DDX43: variants seen among roughly 807,000 people sequenced by gnomAD.
DDX43 encodes DEAD-box helicase 43.
A neutral mutation model predicts 84.9 loss-of-function variants in DDX43; 50 were observed. The observed-to-expected ratio is 0.59, with a 90% CI of 0.47 to 0.75. DDX43 has a LOEUF of 0.75. DDX43 is among the 30% of genes least tolerant of loss of function. DDX43 has a pLI of 0.00. For missense variants in DDX43, 689 were observed against 798.6 expected, an observed-to-expected ratio of 0.86 and a Z score of 1.65; for synonymous variants, 291 against 266.3, an observed-to-expected ratio of 1.09 and a Z score of -0.90.
At chr6:73,412,695 G>A (rs1347165206) in intron 11 of DDX43, among the ~76,000 whole-genome samples, 3 of 140,564 alleles carry the variant, frequency 2.1e-5, no homozygotes, top group East Asian at 4.3e-4. Flanking sequence ...GTGTGTGCGC[G>A]TGCGTGCGCA....
At chr6:73,401,801 CAAAAA>C (rs60478350) in intron 3 of DDX43, 53 bp from the exon 4 acceptor site, 1,433 of 1,081,626 alleles carry the variant, frequency 1.3e-3, no homozygotes, top group Admixed American at 2.2e-3. Context: ...GACTCCATCT[CAAAAA>C]AAAAAAAAAA....
At position 73,414,602 on chromosome 6, in the gene DDX43, A is replaced by G. The variant is rs1769866778; in HGVS notation, c.1661A>G (p.His554Arg). ...TDLASRGLDV[H>R]DVTHVYNFDF... ...CTAGCCTCTAGAGGACTTGATGTCCATGACGTTACACATGTCTATAATTTT... is the reference window on the plus strand; with the variant it reads ...CTAGCCTCTAGAGGACTTGATGTCCGTGACGTTACACATGTCTATAATTTT... The change falls in exon 14 of 17, where the codon CAT becomes CGT. Residue 554 changes from histidine (H) to arginine (R), a missense_variant. Physicochemically the swap from His to Arg is conservative, Grantham distance 29. Transcript: ENST00000370336. 3.1e-6 allele frequency: 5 copies of G among 1,613,608 alleles called. No homozygotes were observed. The highest frequency in any genetic ancestry group is 2.2e-5 in the East Asian group (1 of 44,870).
chr6:73,408,608 G>A (rs761110223), intron 9 of DDX43, among the ~76,000 whole-genome samples: 1 of 151,846 alleles, frequency 6.6e-6, no homozygotes, highest in Non-Finnish European at 1.5e-5. Context: ...CCAGGCTGGA[G>A]TGCTGTCGCA....
intron 16 of DDX43, 74 bp downstream of exon 16, chr6:73,416,325 C>A: frequency 1.5e-6 from 1 of 653,462 alleles, no homozygotes; most frequent in Non-Finnish European, 2.8e-6. Context: ...ATGTTTATTG[C>A]AATGAGCATG....
At chr6:73,411,675 C>T (rs1460063712) in intron 10 of DDX43, among the ~76,000 whole-genome samples, 1 of 151,828 alleles carries the variant, frequency 6.6e-6, no homozygotes, top group East Asian at 1.9e-4. Context: ...TACAGGTATC[C>T]TTTGGTTCAT....
intron 15 of DDX43, 76 bp from the exon 16 acceptor site, chr6:73,416,037 T>C: frequency 1.3e-6 from 1 of 794,668 alleles, no homozygotes; most frequent in Non-Finnish European, 2.2e-6. Flanking sequence ...TGCGATTATC[T>C]GAAATGATTT....
At chr6:73,399,550 A>G (rs1241820354) in intron 2 of DDX43, among the ~76,000 whole-genome samples, 1 of 152,206 alleles carries the variant, frequency 6.6e-6, no homozygotes, top group African/African-American at 2.4e-5. Context: ...CAGCACTCAT[A>G]CAGAGTTATA....
At position 73,416,022 on chromosome 6, in the gene DDX43, A is replaced by C. The variant is rs1488525411; in HGVS notation, c.1834-91A>C. The C allele has an allele frequency of 5.5e-6, 4 of 727,136 alleles. No homozygotes were observed. In the African/African-American group the frequency reaches 7.0e-5, roughly 13 times the overall value. The allele number at this position is 727,136 out of a possible 1,614,324, so 45.0% of individuals were successfully genotyped here. On this transcript the variant is annotated intron_variant, in intron 15 of 16. Coordinates refer to ENST00000370336, the MANE Select transcript of DDX43 (RefSeq NM_018665.3). ...TCTGTTTAAAGGATGTCATGTAACC[A>C]GCTGTGCGATTATCTGAAATGATTT... is the stretch of plus-strand genomic sequence containing the variant.
chr6:73,415,693 A>G, intron 15 of DDX43, 109 bp downstream of exon 15: 1 of 750,690 alleles, frequency 1.3e-6, no homozygotes, highest in Non-Finnish European at 2.2e-6. Flanking sequence ...AGTTTTCATC[A>G]CGTTTTGAGG....
chr6:73,400,182 T>A lies in DDX43; in HGVS notation c.307-52T>A, dbSNP rs1582635378. ...GGGGTTAGGGGCTTAGGGAACTTTT[T>A]ATGTTTTTTAGGGAAATTTTAAGTC... is the stretch of plus-strand genomic sequence containing the variant. On this transcript the variant is annotated intron_variant, in intron 2 of 16. Transcript: ENST00000370336. The A allele has an allele frequency of 2.0e-6, 3 of 1,521,488 alleles. No individual in the cohort carries two copies. In the East Asian group the frequency reaches 7.0e-5, roughly 36 times the overall value. 94.2% of individuals were successfully genotyped at this position (1,521,488 alleles called of 1,614,324 possible).
At chr6:73,397,825 G>A in intron 2 of DDX43, 81 bp downstream of exon 2, 1 of 1,285,434 alleles carries the variant, frequency 7.8e-7, no homozygotes, top group South Asian at 1.2e-5. Context: ...TTCTTTTTAA[G>A]ACAGCCTCAT....
intron 11 of DDX43, among the ~76,000 whole-genome samples, chr6:73,413,007 C>G (rs144076316): frequency 1.2e-4 from 19 of 152,258 alleles, no homozygotes; most frequent in Non-Finnish European, 1.9e-4. Context: ...GGATTACAGG[C>G]GTGAGCCACC....
intron 15 of DDX43, 84 bp downstream of exon 15, chr6:73,415,668 A>G: frequency 1.0e-6 from 1 of 972,124 alleles, no homozygotes; most frequent in East Asian, 2.5e-5. Context: ...GCTATTTATC[A>G]GGAAGCTTCA....
intron 10 of DDX43, 127 bp downstream of exon 10, chr6:73,409,475 A>C: frequency 1.6e-5 from 12 of 755,074 alleles, no homozygotes; most frequent in Non-Finnish European, 2.3e-5. Context: ...GAAAGATCTC[A>C]TAACATTGGA....
rs1261847430 is a variant in DDX43, at chr6:73,395,041, G to A, written c.136G>A (p.Gly46Ser). ...NRTGPEGYSV[G>S]RGGRWRGTSR... ...AACAGGTCCTGAGGGATATAGTGTC[G>A]GCAGAGGTGGTCGCTGGAGAGGCAC... The change falls in exon 1 of 17, where the codon GGC (glycine) becomes AGC (serine). Residue 46 changes from glycine (G) to serine (S), a missense_variant. By Grantham distance (56) the Gly-to-Ser change is moderately conservative. Around this residue, in one of 2 missense-constraint regions of DDX43, gnomAD observed 137 missense variants for 105.9 expected, o/e 1.29. Coordinates refer to ENST00000370336, the MANE Select transcript of DDX43 (RefSeq NM_018665.3). 9 of 1,613,928 alleles carry A rather than the reference G, an allele frequency of 5.6e-6. No individual in the cohort carries two copies. The African/African-American group carries it at 6.7e-5, about 12-fold the overall frequency.
At chr6:73,414,387 G>A (rs1769863418) in intron 13 of DDX43, among the ~76,000 whole-genome samples, 161 bp from the exon 14 acceptor site, 1 of 152,188 alleles carries the variant, frequency 6.6e-6, no homozygotes, top group African/African-American at 2.4e-5. Flanking sequence ...ATGGTATCTT[G>A]TAACTTGCCG....
chr6:73,402,066 C>T (rs1299757227), intron 4 of DDX43, 76 bp downstream of exon 4: 1 of 1,550,526 alleles, frequency 6.4e-7, no homozygotes, highest in Non-Finnish European at 8.8e-7. Context: ...AATGTCTGTG[C>T]TTTATTTTTA....
At chr6:73,409,072 A>T (rs1177869799) in intron 9 of DDX43, among the ~76,000 whole-genome samples, 176 bp from the exon 10 acceptor site, 1 of 152,238 alleles carries the variant, frequency 6.6e-6, no homozygotes, top group African/African-American at 2.4e-5. Context: ...ATCCATGTAG[A>T]CAGTGTACAA....
chr6:73,412,915 G>A (rs1330192879), intron 11 of DDX43, among the ~76,000 whole-genome samples: 1 of 152,118 alleles, frequency 6.6e-6, no homozygotes, highest in Non-Finnish European at 1.5e-5. Flanking sequence ...TTTTAGTAGA[G>A]ACAGGGTTTT....
Sources: gnomAD v4.1 joint callset for allele counts (sites outside exome capture counted in the v4.1 genomes callset) on GRCh38, gnomAD v4.1.1 for gene constraint, gnomAD v4.1.1 regional missense constraint, MANE v1.5 for transcripts, NCBI Gene and HGNC (gene_info 2026-07-23, HGNC 2026-07-21) for gene names.